The following SYBU variants were observed in gnomAD, a reference collection of about 807,000 sequenced individuals.
SYBU encodes the protein syntabulin, also known as GOLSYN A protein.
A neutral mutation model predicts 35.9 loss-of-function variants in SYBU; 21 were observed. The observed-to-expected ratio is 0.58, with a 90% CI of 0.41 to 0.84. The LOEUF (loss-of-function observed/expected upper bound fraction) is 0.84, where lower values mean the gene tolerates loss of function less well. SYBU is among the 40% of genes least tolerant of loss of function. SYBU has a pLI of 0.00. For synonymous variants in SYBU, 319 were observed against 324.3 expected, an observed-to-expected ratio of 0.98 and a Z score of 0.18; for missense variants, 768 against 848.2, an observed-to-expected ratio of 0.91 and a Z score of 1.17.
At chr8:109,646,405 T>G (rs1815703471), upstream of SYBU, 1 of 152,192 alleles carries the variant, frequency 6.6e-6, no homozygotes, top group South Asian at 2.1e-4. Context: ...ATTAGTGGAA[T>G]CAATTTCCCT....
Position 109,642,761 on chromosome 8 carries a change from C to A in SYBU, c.196G>T (p.Ala66Ser), listed in dbSNP as rs773234997. 2.8e-5 allele frequency: 45 copies of A among 1,610,776 alleles called. No homozygotes were observed. Among genetic ancestry groups the A allele is most frequent in the Non-Finnish European group, 3.5e-5 (41 of 1,178,660 alleles). Residue 66 changes from alanine (A) to serine (S), a missense_variant, in exon 2 of 7, where the codon GCG becomes TCG. Physicochemically the swap from Ala to Ser is moderately conservative, Grantham distance 99 (BLOSUM62 1). Coordinates refer to ENST00000276646, the MANE Select transcript of SYBU (RefSeq NM_001099754.2). ...EFNPSSSGRS[A>S]RTVSSNSFCS... ...AAGCTGTTGCTGCTAACGGTCCTCGCTGAGCGCCCAGAGCTGCTGGGGTTG... is the reference window on the plus strand; with the variant it reads ...AAGCTGTTGCTGCTAACGGTCCTCGATGAGCGCCCAGAGCTGCTGGGGTTG...
intron 2 of SYBU, among the ~76,000 whole-genome samples, chr8:109,624,534 C>A (rs1232550221): frequency 6.6e-6 from 1 of 152,160 alleles, no homozygotes; most frequent in Non-Finnish European, 1.5e-5. Flanking sequence ...TAGACAAAGT[C>A]TAATGGAGAG....
intron 3 of SYBU, among the ~76,000 whole-genome samples, chr8:109,589,331 A>G (rs889379274): frequency 1.3e-5 from 2 of 152,118 alleles, no homozygotes; most frequent in African/African-American, 2.4e-5. Context: ...TAAAGATGAT[A>G]CTCATAGCAC....
intron 2 of SYBU, among the ~76,000 whole-genome samples, chr8:109,633,256 C>T (rs6469273): frequency 9.9e-5 from 15 of 152,066 alleles, no homozygotes; most frequent in Non-Finnish European, 8.8e-5. Context: ...CTGAGAGTCA[C>T]GTCAGTCTCT....
intron 3 of SYBU, among the ~76,000 whole-genome samples, chr8:109,602,503 G>C (rs1034966494): frequency 8.1e-5 from 12 of 147,622 alleles, no homozygotes; most frequent in African/African-American, 3.0e-4. Flanking sequence ...GCATAAACTC[G>C]GCTCTCTACA....
chr8:109,676,381 GA>G (rs1342921986), intron 1 of SYBU, among the ~76,000 whole-genome samples: 1 of 152,138 alleles, frequency 6.6e-6, no homozygotes, highest in Non-Finnish European at 1.5e-5. Flanking sequence ...TGTATATTTA[GA>G]AAACCCCATT....
intron 1 of SYBU, among the ~76,000 whole-genome samples, chr8:109,669,787 T>C (rs1563774182): frequency 6.6e-6 from 1 of 152,236 alleles, no homozygotes; most frequent in Admixed American, 6.5e-5. Context: ...TATTCCTTGA[T>C]TACAATTGTC....
chr8:109,600,702 A>G (rs1279629024), intron 3 of SYBU, among the ~76,000 whole-genome samples: 5 of 152,228 alleles, frequency 3.3e-5, no homozygotes, highest in Non-Finnish European at 7.3e-5. Context: ...GTTGATTTCC[A>G]GTAAAATTGT....
chr8:109,577,873 A>G lies in SYBU; in HGVS notation c.879T>C (p.His293=). The G allele has an allele frequency of 6.2e-7, 1 of 1,612,040 alleles. No homozygotes were observed. Among genetic ancestry groups the G allele is most frequent in the Non-Finnish European group, 8.5e-7 (1 of 1,179,008 alleles). ...TTCAAGGAAGGCAGATTCACCTTTC[A>G]TGGAGTCGGCGCTCAGATTCCTTCA... The part of the protein sequence containing the change: ...TKLKESERRL[H]ERESEIVELK... Residue 293 remains histidine, a synonymous_variant, in exon 6 of 7, where the codon CAT becomes CAC. Coordinates refer to ENST00000276646, the MANE Select transcript of SYBU (RefSeq NM_001099754.2).
intron 3 of SYBU, 112 bp downstream of exon 3, chr8:109,618,730 G>A (rs1812096384): frequency 2.1e-6 from 2 of 968,930 alleles, no homozygotes; most frequent in Admixed American, 1.9e-5. Flanking sequence ...TGCTTTAGAT[G>A]CTGGGTACGG....
chr8:109,613,307 TCAGTAA>T (rs1811395055), intron 3 of SYBU, among the ~76,000 whole-genome samples: 1 of 152,216 alleles, frequency 6.6e-6, no homozygotes, highest in Admixed American at 6.5e-5. Context: ...CAAATGACCA[TCAGTAA>T]CATTTAGTGA....
At chr8:109,690,329 A>G (rs1817618605) in intron 1 of SYBU, among the ~76,000 whole-genome samples, 1 of 152,218 alleles carries the variant, frequency 6.6e-6, no homozygotes, top group Non-Finnish European at 1.5e-5. Flanking sequence ...TTTTGCCCCA[A>G]GGGCGCCCTA....
At chr8:109,685,776 T>C (rs952777089), upstream of SYBU, among the ~76,000 whole-genome samples, 2 of 152,222 alleles carry the variant, frequency 1.3e-5, no homozygotes, top group Non-Finnish European at 2.9e-5. Flanking sequence ...GCATAATTTT[T>C]ATTTAAAATT....
intron 2 of SYBU, among the ~76,000 whole-genome samples, chr8:109,630,967 G>A (rs1813556922): frequency 6.6e-6 from 1 of 152,174 alleles, no homozygotes; most frequent in Non-Finnish European, 1.5e-5. Context: ...AAGCCACGGA[G>A]GAAAATCTTT....
At position 109,642,827 on chromosome 8, in the gene SYBU, C is replaced by A. The variant is rs752117798; in HGVS notation, c.130G>T (p.Ala44Ser). 1 of 1,613,316 alleles carries A rather than the reference C, an allele frequency of 6.2e-7. No individual in the cohort carries two copies. Among genetic ancestry groups the A allele is most frequent in the Non-Finnish European group, 8.5e-7 (1 of 1,179,604 alleles). ...MPQQQHKVSP[A>S]SESPFSEEES... The stretch of plus-strand genomic sequence containing the variant: ...TCCTCAGAGAAAGGAGACTCAGAGG[C>A]TGGGGACACTTTGTGCTGTTGTTGG... The change falls in exon 2 of 7, where the codon GCC becomes TCC. Residue 44 changes from alanine (A) to serine (S), a missense_variant. By Grantham distance (99) the Ala-to-Ser change is moderately conservative (BLOSUM62 1). Transcript: ENST00000276646.
At chr8:109,597,897 G>A (rs1477705376) in intron 3 of SYBU, among the ~76,000 whole-genome samples, 2 of 152,202 alleles carry the variant, frequency 1.3e-5, no homozygotes, top group African/African-American at 2.4e-5. Flanking sequence ...GCAATTATGG[G>A]ATAGATTTTA....
chr8:109,636,274 C>T (rs182515547), intron 2 of SYBU, among the ~76,000 whole-genome samples: 1 of 152,246 alleles, frequency 6.6e-6, no homozygotes, highest in African/African-American at 2.4e-5. Flanking sequence ...GAAGCCAATG[C>T]AAATAAGACA....
At chr8:109,645,573 A>G, upstream of SYBU, 1 of 318,592 alleles carries the variant, frequency 3.1e-6, no homozygotes, top group East Asian at 7.8e-5. Flanking sequence ...CAGCACTCCA[A>G]TCGGTCCCTT....
At chr8:109,653,347 G>A (rs1290516333) in intron 1 of SYBU, among the ~76,000 whole-genome samples, 1 of 152,128 alleles carries the variant, frequency 6.6e-6, no homozygotes, top group African/African-American at 2.4e-5. Context: ...TGAAGAAAGT[G>A]TAAATAAGTG....
Sources: allele counts gnomAD v4.1 joint callset (sites outside exome capture counted in the v4.1 genomes callset), GRCh38; gene constraint gnomAD v4.1.1; transcripts MANE v1.5; gene names NCBI Gene and HGNC (gene_info 2026-07-23, HGNC 2026-07-21).